The following SNU13 variants were observed in gnomAD, a reference collection of about 807,000 sequenced individuals.
SNU13 encodes the protein small nuclear ribonucleoprotein 13, also known as NHP2-like protein 1.
Under a neutral mutation model 12.4 loss-of-function variants are expected in SNU13, and 2 were observed. That is an observed-to-expected ratio of 0.16 (90% CI 0.07 to 0.51). The LOEUF is 0.51. SNU13 is among the 20% of genes least tolerant of loss of function. The probability of loss-of-function intolerance (pLI) is 0.96; values close to 1 mark genes in which losing one functional copy is unlikely to be tolerated. For synonymous variants in SNU13, 68 were observed against 66.5 expected (o/e 1.02, Z -0.11); for missense variants, 66 against 157.8 (o/e 0.42, Z 3.12).
chr22:41,687,631 C>G (rs982911898), intron 1 of SNU13: 12 of 152,196 alleles, frequency 7.9e-5, no homozygotes, highest in African/African-American at 2.9e-4. Flanking sequence ...CAACCTAAAT[C>G]CCTACCTAGC....
In SNU13 at chr22:41,680,327, G is replaced by T; in HGVS notation, c.41C>A (p.Ala14Asp). ...ADVNPKAYPL[A>D]DAHLTKKLLD... ...TAGCTTCTTGGTGAGGTGGGCATCG[G>T]CAAGGGGATAGGCCTTTGGATTCAC... is the stretch of plus-strand genomic sequence containing the variant. The change falls in exon 2 of 3, where the codon GCC becomes GAC. Residue 14 changes from alanine (A) to aspartate (D), a missense_variant. By Grantham distance (126) the Ala-to-Asp change is moderately radical. Coordinates refer to ENST00000401959, the MANE Select transcript of SNU13 (RefSeq NM_001003796.2). 6.2e-7 allele frequency: 1 copy of T among 1,614,038 alleles called. No homozygotes were observed. Among genetic ancestry groups the T allele is most frequent in the Non-Finnish European group, 8.5e-7 (1 of 1,179,958 alleles).
intron 1 of SNU13, chr22:41,682,545 G>A (rs1174562907): frequency 6.7e-6 from 10 of 1,483,188 alleles, no homozygotes; most frequent in East Asian, 5.0e-5. Flanking sequence ...TGTCTTCTAC[G>A]TAACTCCTTA....
At chr22:41,688,876 C>G (rs542091245), upstream of SNU13, 528 of 1,507,414 alleles carry the variant, frequency 3.5e-4, no homozygotes, top group Non-Finnish European at 4.4e-4. Context: ...CGGAAAAACT[C>G]ACAGAAGCAG....
At position 41,674,787 on chromosome 22, in the gene SNU13, A is replaced by C; in HGVS notation, c.*146T>G. 1 of 1,163,762 alleles carries C rather than the reference A, an allele frequency of 8.6e-7. No homozygotes were observed. The highest frequency in any genetic ancestry group is 1.2e-6 in the Non-Finnish European group (1 of 836,318). The allele number at this position is 1,163,762 out of a possible 1,614,324, so 72.1% of individuals were successfully genotyped here. On this transcript the variant is annotated 3_prime_UTR_variant, in exon 3 of 3. Transcript: ENST00000401959. ...TAGCAACCCTGTAAAACAGAACAAA[A>C]ACAACACAAAAATCCAGAAACCAGA...
At chr22:41,686,098 A>G (rs962368871) in intron 1 of SNU13, among the ~76,000 whole-genome samples, 1 of 151,840 alleles carries the variant, frequency 6.6e-6, no homozygotes, top group Non-Finnish European at 1.5e-5. Context: ...CTTGAGCCAC[A>G]GTGCTTGGCC....
chr22:41,682,521 A>G (rs976789070), intron 1 of SNU13: 34 of 1,524,834 alleles, frequency 2.2e-5, no homozygotes, highest in Non-Finnish European at 2.8e-5. Flanking sequence ...GCCAGCCCGT[A>G]CACCAGGACG....
chr22:41,674,744 G>T lies in SNU13; in HGVS notation c.*189C>A. 1 of 704,768 alleles carries T rather than the reference G, an allele frequency of 1.4e-6. No individual in the cohort carries two copies. The highest frequency in any genetic ancestry group is 2.3e-6 in the Non-Finnish European group (1 of 436,438). The allele number at this position is 704,768 out of a possible 1,614,324, so 43.7% of individuals were successfully genotyped here. A position where few individuals can be genotyped will look rare whatever the true frequency, so the allele number is the denominator to read the frequency against. On this transcript the variant is annotated 3_prime_UTR_variant, in exon 3 of 3. Coordinates refer to ENST00000401959, the MANE Select transcript of SNU13 (RefSeq NM_001003796.2). ...AAAGGATGAAGGATGGCAGAGGGAG[G>T]GAGGAAAGGAAGGGGGATAGCAACC...
At chr22:41,689,507 A>T (rs1319540143), upstream of SNU13, among the ~76,000 whole-genome samples, 1 of 149,932 alleles carries the variant, frequency 6.7e-6, no homozygotes, top group Admixed American at 6.7e-5. Flanking sequence ...TCTACTAAAA[A>T]TACAAAAAAT....
chr22:41,690,469 A>T (rs1416288567), upstream of SNU13: 2 of 735,318 alleles, frequency 2.7e-6, no homozygotes, highest in Non-Finnish European at 5.0e-6. Context: ...GCCTGGCACC[A>T]GGGTCAGAGT....
chr22:41,675,748 T>C (rs560286690), intron 2 of SNU13, among the ~76,000 whole-genome samples: 63 of 150,360 alleles, frequency 4.2e-4, no homozygotes, highest in Non-Finnish European at 8.0e-4. Context: ...TTCTTTCTTT[T>C]TTTTTTTTTT....
chr22:41,683,075 C>T (rs1569109902), intron 1 of SNU13, among the ~76,000 whole-genome samples: 2 of 152,194 alleles, frequency 1.3e-5, no homozygotes. Flanking sequence ...TCTTGGCTCA[C>T]TGCAACCTCC....
At chr22:41,685,959 ACT>A (rs1261060304) in intron 1 of SNU13, among the ~76,000 whole-genome samples, 2 of 114,324 alleles carry the variant, frequency 1.7e-5, no homozygotes, top group Non-Finnish European at 1.9e-5. Flanking sequence ...ACAGAGCGAG[ACT>A]CTGTCTCAAA....
In SNU13 at chr22:41,676,531, CTT is replaced by C. The variant is rs35474083; in HGVS notation, c.125-1338_125-1337del. The stretch of plus-strand genomic sequence containing the variant: ...TTACCTAATTCTTTTTAACCTAATT[CTT>C]TTTTTTTTTTGTATCAAAGAAAATA... On this transcript the variant is annotated intron_variant, in intron 2 of 2. Transcript: ENST00000401959. Among the ~76,000 whole-genome samples, 100 of 148,198 alleles carry C rather than the reference CTT, an allele frequency of 6.7e-4. 1 individual carries two copies. Among genetic ancestry groups the C allele is most frequent in the Admixed American group, 1.6e-3 (24 of 14,860 alleles).
chr22:41,674,606 A>G lies in SNU13; in HGVS notation c.*327T>C. On this transcript the variant is annotated 3_prime_UTR_variant, in exon 3 of 3. Transcript: ENST00000401959. ...CAGGAAGCTAGTGGCTGAAAGCTGG[A>G]ACCAGATCTCTGTCCTGGCTCCATC... 2 of 299,562 alleles carry G rather than the reference A, an allele frequency of 6.7e-6. No individual in the cohort carries two copies. The highest frequency in any genetic ancestry group is 9.4e-5 in the Admixed American group (2 of 21,198). 18.6% of individuals were successfully genotyped at this position (299,562 alleles called of 1,614,324 possible).
chr22:41,677,400 C>G (rs373659016), intron 2 of SNU13, among the ~76,000 whole-genome samples: 2 of 152,120 alleles, frequency 1.3e-5, no homozygotes. Context: ...TGGCGTACAC[C>G]TGTAGTTCCA....
At chr22:41,688,459 C>T (rs1406069848) in intron 1 of SNU13, 2 of 323,598 alleles carry the variant, frequency 6.2e-6, no homozygotes, top group Non-Finnish European at 1.1e-5. Flanking sequence ...GCCAAGTTTT[C>T]TTCACCCAAC....
chr22:41,690,289 G>A (rs187187217), upstream of SNU13: 102 of 643,494 alleles, frequency 1.6e-4, no homozygotes, highest in African/African-American at 1.6e-3. Flanking sequence ...GTATTTCATA[G>A]GAAGAAAGAA....
intron 2 of SNU13, among the ~76,000 whole-genome samples, chr22:41,675,971 C>T (rs2068209557): frequency 6.6e-6 from 1 of 151,910 alleles, no homozygotes; most frequent in African/African-American, 2.4e-5. Flanking sequence ...ACCTTGTGAT[C>T]CACCCACCTT....
In SNU13 at chr22:41,674,890, CA is replaced by C. The variant is rs775150653; in HGVS notation, c.*42del. Reference sequence around the variant, plus strand: ...ACACAGATAATATGATACACAACCTCAGGGGGGAAGCTGGCAGGGAGCACGT... The same window carrying C: ...ACACAGATAATATGATACACAACCTCGGGGGGAAGCTGGCAGGGAGCACGT... On this transcript the variant is annotated 3_prime_UTR_variant, in exon 3 of 3. Transcript: ENST00000401959. 4.4e-6 allele frequency: 7 copies of C among 1,600,236 alleles called. No homozygotes were observed. The highest frequency in any genetic ancestry group is 2.2e-5 in the East Asian group (1 of 44,602).
Sources: allele counts gnomAD v4.1 joint callset (sites outside exome capture counted in the v4.1 genomes callset), GRCh38; gene constraint gnomAD v4.1.1; transcripts MANE v1.5; gene names NCBI Gene and HGNC (gene_info 2026-07-23, HGNC 2026-07-21).